Variants in NT5C2 observed in about 807,000 individuals in gnomAD.
NT5C2 encodes the protein cytosolic purine 5'-nucleotidase.
Under a neutral mutation model 76.1 loss-of-function variants are expected in NT5C2, and 58 were observed. That is an observed-to-expected ratio of 0.76 (90% CI 0.62 to 0.95). The LOEUF (loss-of-function observed/expected upper bound fraction) is 0.95, where lower values mean the gene tolerates loss of function less well. Among genes scored for constraint, NT5C2 ranks in the 40% least tolerant of loss-of-function variants. The probability of loss-of-function intolerance (pLI) is 0.00; values close to 1 mark genes in which losing one functional copy is unlikely to be tolerated. For missense variants in NT5C2, 478 were observed against 690.3 expected, an observed-to-expected ratio of 0.69 and a Z score of 3.45; for synonymous variants, 229 against 237.4, an observed-to-expected ratio of 0.96 and a Z score of 0.32.
At chr10:103,183,276 T>TA (rs1554841709) in intron 1 of NT5C2, among the ~76,000 whole-genome samples, 1 of 105,498 alleles carries the variant, frequency 9.5e-6, no homozygotes, top group Admixed American at 1.3e-4. Flanking sequence ...TATATATATA[T>TA]ATATATATAT....
chr10:103,090,709 C>A lies in NT5C2; in HGVS notation c.1351G>T (p.Ala451Ser). The A allele has an allele frequency of 6.2e-7, 1 of 1,614,074 alleles. No individual in the cohort carries two copies. The highest frequency in any genetic ancestry group is 8.5e-7 in the Non-Finnish European group (1 of 1,179,998). The change falls in exon 18 of 19, where the codon GCC (alanine) becomes TCC (serine). Residue 451 changes from alanine (A) to serine (S), a missense_variant. Ala to Ser is a moderately conservative substitution (Grantham distance 99). Coordinates refer to ENST00000404739, the MANE Select transcript of NT5C2 (RefSeq NM_001351169.2). ...FRSGSRQTLFASQVMRYADLY... is the reference protein window; with the variant it reads ...FRSGSRQTLFSSQVMRYADLY... Reference sequence around the variant, plus strand: ...TCAGCATAACGCATCACTTGACTGGCAAAAAGGGTCTGCCGGGAGCCACTG... The same window carrying A: ...TCAGCATAACGCATCACTTGACTGGAAAAAAGGGTCTGCCGGGAGCCACTG...
chr10:103,095,881 A>G (rs187952640), intron 12 of NT5C2, 58 bp downstream of exon 12: 2 of 1,462,560 alleles, frequency 1.4e-6, no homozygotes, highest in East Asian at 4.5e-5. Flanking sequence ...AATATTCCAG[A>G]ATGATTAAAT....
intron 3 of NT5C2, chr10:103,153,943 C>A (rs1200503158): frequency 4.3e-6 from 1 of 233,752 alleles, no homozygotes; most frequent in Non-Finnish European, 7.0e-6. Context: ...AACAAAACAT[C>A]TGCGTTCACA....
chr10:103,169,618 CA>C (rs58771061), intron 3 of NT5C2, among the ~76,000 whole-genome samples: 45,995 of 151,466 alleles, frequency 0.3, 7,337 homozygotes, highest in Non-Finnish European at 0.37. Context: ...GACCCTGTCT[CA>C]AAAAAAATTA....
At chr10:103,186,989 G>A (rs1427304226) in intron 1 of NT5C2, among the ~76,000 whole-genome samples, 1 of 151,892 alleles carries the variant, frequency 6.6e-6, no homozygotes, top group African/African-American at 2.4e-5. Flanking sequence ...GGTGGTTCAC[G>A]CCTATAATCC....
chr10:103,161,138 G>A (rs1289700001), intron 3 of NT5C2, among the ~76,000 whole-genome samples: 1 of 152,304 alleles, frequency 6.6e-6, no homozygotes, highest in South Asian at 2.1e-4. Flanking sequence ...CAAATGTTAA[G>A]CAACAGATGA....
chr10:103,093,933 T>G (rs1477076943), intron 14 of NT5C2, 39 bp downstream of exon 14: 1 of 1,482,262 alleles, frequency 6.7e-7, no homozygotes, highest in African/African-American at 1.4e-5. Flanking sequence ...CTGTGAGGTC[T>G]GAGCAAAGAC....
intron 4 of NT5C2, among the ~76,000 whole-genome samples, chr10:103,130,097 C>T (rs1203534977): frequency 1.3e-5 from 2 of 151,718 alleles, no homozygotes; most frequent in Non-Finnish European, 2.9e-5. Context: ...ACAATGGCGG[C>T]TTTGTGGAAT....
At chr10:103,096,402 C>A (rs1350487833) in intron 11 of NT5C2, among the ~76,000 whole-genome samples, 2 of 152,194 alleles carry the variant, frequency 1.3e-5, no homozygotes, top group Non-Finnish European at 2.9e-5. Flanking sequence ...GTGTCTAAAT[C>A]AAGTTTACAT....
Position 103,173,964 on chromosome 10 carries a change from C to T in NT5C2, c.101+894G>A, listed in dbSNP as rs181711552. ...TACAAAAATTAGCCAGCCGTGGTGA[C>T]GCACGCCTGTAATCCCAGCTACTTG... On this transcript the variant is annotated intron_variant, in intron 3 of 18. Coordinates refer to ENST00000404739, the MANE Select transcript of NT5C2 (RefSeq NM_001351169.2). Among the ~76,000 whole-genome samples, 25 of 151,892 alleles carry T rather than the reference C, an allele frequency of 1.6e-4. No homozygotes were observed. The East Asian group carries it at 2.9e-3, about 18-fold the overall frequency.
At chr10:103,111,636 T>C (rs537255880) in intron 4 of NT5C2, 3 of 721,420 alleles carry the variant, frequency 4.2e-6, no homozygotes, top group South Asian at 7.3e-5. Flanking sequence ...CTTTTTACCA[T>C]TGCCACCAAG....
Position 103,089,602 on chromosome 10 carries a change from G to A in NT5C2, c.*70C>T. The A allele has an allele frequency of 6.8e-7, 1 of 1,481,322 alleles. No homozygotes were observed. The highest frequency in any genetic ancestry group is 1.4e-5 in the African/African-American group (1 of 71,030). The allele number at this position is 1,481,322 out of a possible 1,614,324, so 91.8% of individuals were successfully genotyped here. ...CCTCCCCCGAGTAGAACCCTAACAG[G>A]GACCTCGTTTGTTCCTGTGAGTCCT... On this transcript the variant is annotated 3_prime_UTR_variant, in exon 19 of 19. Coordinates refer to ENST00000404739, the MANE Select transcript of NT5C2 (RefSeq NM_001351169.2).
Position 103,178,149 on chromosome 10 carries a change from G to A in NT5C2, c.-25+3036C>T, listed in dbSNP as rs145742247. ...CTGAATAATAATCCACTGTGCAGGC[G>A]CAACTGGCTCTCCTTTTGTGGAAAA... On this transcript the variant is annotated intron_variant, in intron 2 of 18. Coordinates refer to ENST00000404739, the MANE Select transcript of NT5C2 (RefSeq NM_001351169.2). Among the ~76,000 whole-genome samples the A allele has an allele frequency of 3.6e-3, 553 of 152,254 alleles. 4 individuals carry two copies. The highest frequency in any genetic ancestry group is 0.013 in the African/African-American group (539 of 41,554).
In NT5C2 at chr10:103,090,736, G is replaced by T. The variant is rs985929069; in HGVS notation, c.1324C>A (p.Arg442Ser). Residue 442 changes from arginine (R) to serine (S), a missense_variant, in exon 18 of 19, where the codon CGC (arginine) becomes AGC (serine). By Grantham distance (110) the Arg-to-Ser change is moderately radical. Coordinates refer to ENST00000404739, the MANE Select transcript of NT5C2 (RefSeq NM_001351169.2). ...AAAAGGGTCTGCCGGGAGCCACTGC[G>T]AAACAGGCTTCCCATCATCCCATAG... ...MCYGMMGSLF[R>S]SGSRQTLFAS... 1 of 1,614,048 alleles carries T rather than the reference G, an allele frequency of 6.2e-7. No homozygotes were observed. The highest frequency in any genetic ancestry group is 8.5e-7 in the Non-Finnish European group (1 of 1,180,030).
intron 3 of NT5C2, among the ~76,000 whole-genome samples, chr10:103,167,654 C>G (rs554697993): frequency 2.1e-4 from 32 of 151,336 alleles, no homozygotes; most frequent in Non-Finnish European, 3.5e-4. Flanking sequence ...GTTTTTGAGA[C>G]ACAGTCTCAC....
chr10:103,181,936 G>GGAGGCGGAGGTTGAAGTGAGCTGAGA (rs1209765357), intron 1 of NT5C2, among the ~76,000 whole-genome samples: 2 of 151,962 alleles, frequency 1.3e-5, no homozygotes, highest in Non-Finnish European at 2.9e-5. Flanking sequence ...CTCCCACCCG[G>GGAGGCGGAGGTTGAAGTGAGCTGAGA]GAGGCGGAGG....
intron 3 of NT5C2, among the ~76,000 whole-genome samples, chr10:103,142,987 A>C (rs760567160): frequency 0.012 from 1,628 of 131,294 alleles, 29 homozygotes; most frequent in African/African-American, 0.043. Flanking sequence ...AGATTCCATC[A>C]AAAAAAAAAA....
chr10:103,119,186 A>T (rs2075103702), intron 4 of NT5C2, among the ~76,000 whole-genome samples: 1 of 152,172 alleles, frequency 6.6e-6, no homozygotes, highest in Non-Finnish European at 1.5e-5. Flanking sequence ...CCTGACCAAC[A>T]TGGAGAAACC....
intron 4 of NT5C2, among the ~76,000 whole-genome samples, chr10:103,107,546 G>A (rs974864081): frequency 9.9e-5 from 15 of 151,812 alleles, no homozygotes; most frequent in African/African-American, 3.4e-4. Context: ...GTGTGGTGGC[G>A]CATGCCTGTT....
Sources: allele counts gnomAD v4.1 joint callset (sites outside exome capture counted in the v4.1 genomes callset), GRCh38; gene constraint gnomAD v4.1.1; transcripts MANE v1.5; gene names NCBI Gene and HGNC (gene_info 2026-07-23, HGNC 2026-07-21).